Variants in SLC26A8 observed in about 807,000 individuals in gnomAD.
SLC26A8 encodes testis anion transporter 1.
A neutral mutation model predicts 105.0 loss-of-function variants in SLC26A8; 70 were observed. That is an observed-to-expected ratio of 0.67 (90% confidence interval 0.55 to 0.81). The LOEUF (loss-of-function observed/expected upper bound fraction) is 0.81, where lower values mean the gene tolerates loss of function less well. SLC26A8 is among the 40% of genes least tolerant of loss of function. The probability of loss-of-function intolerance (pLI) is 0.00; values close to 1 mark genes in which losing one functional copy is unlikely to be tolerated. For missense variants in SLC26A8, 998 were observed against 1,181.8 expected (o/e 0.84, Z 2.28); for synonymous variants, 415 against 438.3 (o/e 0.95, Z 0.66).
rs139550590 is a variant in SLC26A8 at position 35,968,570 on chromosome 6, T to TAAATATACATATGTGTGTATGTGTGTG, written c.1365+280_1365+306dup. 3.3e-3 allele frequency among the ~76,000 whole-genome samples: 402 copies of TAAATATACATATGTGTGTATGTGTGTG among 121,566 alleles called. 16 individuals carry two copies. Among genetic ancestry groups the TAAATATACATATGTGTGTATGTGTGTG allele is most frequent in the African/African-American group, 0.013 (374 of 29,642 alleles). The allele number at this position is 121,566 out of a possible 152,430, so 79.8% of individuals were successfully genotyped here. ...CTACACACCATATAAATCTTATATA[T>TAAATATACATATGTGTGTATGTGTGTG]AAATATACATATGTGTGTATGTGTG... On this transcript the variant is annotated intron_variant, in intron 11 of 19. Coordinates refer to ENST00000490799, the MANE Select transcript of SLC26A8 (RefSeq NM_052961.4).
intron 2 of SLC26A8, among the ~76,000 whole-genome samples, chr6:36,014,483 G>A (rs1761943476): frequency 6.6e-6 from 1 of 152,130 alleles, no homozygotes; most frequent in Non-Finnish European, 1.5e-5. Context: ...TGATAAGAGG[G>A]GGGATTTGCA....
At chr6:35,970,889 G>A (rs867759502) in intron 10 of SLC26A8, among the ~76,000 whole-genome samples, 13 of 152,036 alleles carry the variant, frequency 8.6e-5, no homozygotes, top group Middle Eastern at 3.2e-3. Flanking sequence ...TTAGCTGGGC[G>A]TAGTGGCAGG....
chr6:35,967,111 G>A (rs1256468113), intron 11 of SLC26A8, among the ~76,000 whole-genome samples: 1 of 152,144 alleles, frequency 6.6e-6, no homozygotes, highest in Non-Finnish European at 1.5e-5. Context: ...TCAGAGGACC[G>A]CTTGCGTGTC....
intron 1 of SLC26A8, 133 bp from the exon 2 acceptor site, chr6:36,019,842 CT>C (rs1324250819): frequency 1.2e-6 from 1 of 845,056 alleles, no homozygotes; most frequent in African/African-American, 1.7e-5. Context: ...GTAAAAAACT[CT>C]TTCTCAAAGT....
At chr6:35,990,905 A>G (rs1761125407) in intron 7 of SLC26A8, among the ~76,000 whole-genome samples, 1 of 152,176 alleles carries the variant, frequency 6.6e-6, no homozygotes, top group Non-Finnish European at 1.5e-5. Flanking sequence ...AAGGGGAAAA[A>G]AAAACCTTAT....
chr6:35,997,703 G>A (rs367762106), intron 5 of SLC26A8, 35 bp downstream of exon 5: 17 of 1,604,094 alleles, frequency 1.1e-5, no homozygotes, highest in Non-Finnish European at 1.4e-5. Context: ...CCTTTATTCA[G>A]TTCCTTTTCA....
rs34715373 is a variant in SLC26A8 at position 35,986,024 on chromosome 6, CTTTTTT to C, written c.943-3827_943-3822del. 6.3e-4 allele frequency among the ~76,000 whole-genome samples: 45 copies of C among 71,374 alleles called. No individual in the cohort carries two copies. In the South Asian group the frequency reaches 0.019, roughly 29 times the overall value. 46.8% of individuals were successfully genotyped at this position (71,374 alleles called of 152,430 possible). A position where few individuals can be genotyped will look rare whatever the true frequency, so the allele number is the denominator to read the frequency against. ...TAGATGCATTACTTCACATATACAT[CTTTTTT>C]TTTTTTTTTTTTTTTTTTTTTGAGA... On this transcript the variant is annotated intron_variant, in intron 7 of 19. Transcript: ENST00000490799.
At position 36,024,540 on chromosome 6, in the gene SLC26A8, G is replaced by T. The variant is rs530686552; in HGVS notation, c.-39C>A. ...GCGGGGGCGGGAGTGCGGGCGCTGGGATCCCACACGGCTCTCGCCTGGCTG... is the reference window on the plus strand; with the variant it reads ...GCGGGGGCGGGAGTGCGGGCGCTGGTATCCCACACGGCTCTCGCCTGGCTG... On this transcript the variant is annotated 5_prime_UTR_variant, in exon 1 of 20. Coordinates refer to ENST00000490799, the MANE Select transcript of SLC26A8 (RefSeq NM_052961.4). 13 of 420,306 alleles carry T rather than the reference G, an allele frequency of 3.1e-5. No homozygotes were observed. Among genetic ancestry groups the T allele is most frequent in the South Asian group, 2.2e-4 (13 of 59,336 alleles). 26.0% of individuals were successfully genotyped at this position (420,306 alleles called of 1,614,324 possible).
At chr6:35,944,366 A>G in intron 19 of SLC26A8, 26 bp from the exon 20 acceptor site, 1 of 1,517,144 alleles carries the variant, frequency 6.6e-7, no homozygotes, top group Non-Finnish European at 9.1e-7. Context: ...GTGGGTTAAA[A>G]TTTCTAATTA....
intron 3 of SLC26A8, among the ~76,000 whole-genome samples, chr6:36,005,713 T>C (rs1345748028): frequency 1.3e-5 from 2 of 152,190 alleles, no homozygotes; most frequent in Non-Finnish European, 2.9e-5. Flanking sequence ...TGTAAAGTGG[T>C]GGGGTAGTTA....
intron 10 of SLC26A8, among the ~76,000 whole-genome samples, chr6:35,972,471 G>T (rs1003382817): frequency 6.6e-6 from 1 of 152,038 alleles, no homozygotes; most frequent in Non-Finnish European, 1.5e-5. Flanking sequence ...TGAAGAAGAT[G>T]AATGAGTCTC....
chr6:35,979,053 T>C (rs1203873637), intron 8 of SLC26A8, among the ~76,000 whole-genome samples: 1 of 147,376 alleles, frequency 6.8e-6, no homozygotes. Flanking sequence ...AGTCTCACCA[T>C]GTTGCCCAGG....
Position 35,944,097 on chromosome 6 carries a change from T to C in SLC26A8, c.2716A>G (p.Thr906Ala). ...TQTEMEPQPE[T>A]EPEMEPNPKS... ...GGGTTGGGCTCCATCTCAGGCTCAG[T>C]CTCAGGCTGGGGCTCCATCTCGGTC... The change falls in exon 20 of 20, where the codon ACT (threonine) becomes GCT (alanine). Residue 906 changes from threonine (T) to alanine (A), a missense_variant. Thr to Ala is a moderately conservative substitution (Grantham distance 58). Transcript: ENST00000490799. 6.2e-7 allele frequency: 1 copy of C among 1,613,876 alleles called. No individual in the cohort carries two copies. Among genetic ancestry groups the C allele is most frequent in the Non-Finnish European group, 8.5e-7 (1 of 1,179,950 alleles).
rs751525175 is a variant in SLC26A8 at position 35,944,144 on chromosome 6, G to T, written c.2669C>A (p.Ala890Asp). 1.5e-5 allele frequency: 24 copies of T among 1,614,100 alleles called. No individual in the cohort carries two copies. Among genetic ancestry groups the T allele is most frequent in the Non-Finnish European group, 1.5e-5 (18 of 1,180,024 alleles). Reference sequence around the variant, plus strand: ...GGTCTGGGTCTTGGTCTCGGTCTCAGCCTTGGGCTCCATTTCAGGCTCCAG... The same window carrying T: ...GGTCTGGGTCTTGGTCTCGGTCTCATCCTTGGGCTCCATTTCAGGCTCCAG... Reference protein sequence around the residue: ...RELEPEMEPKAETETKTQTEM... With the variant: ...RELEPEMEPKDETETKTQTEM... Residue 890 changes from alanine to aspartate, a missense_variant, in exon 20 of 20, where the codon GCT becomes GAT. Transcript: ENST00000490799.
chr6:35,977,420 C>A, intron 8 of SLC26A8, 69 bp from the exon 9 acceptor site: 21 of 1,380,638 alleles, frequency 1.5e-5, no homozygotes, highest in Non-Finnish European at 2.0e-5. Flanking sequence ...CCACTCTATT[C>A]TAACACTGGG....
At chr6:35,958,061 G>A (rs1489251452) in intron 16 of SLC26A8, among the ~76,000 whole-genome samples, 1 of 152,202 alleles carries the variant, frequency 6.6e-6, no homozygotes, top group African/African-American at 2.4e-5. Context: ...GTCGAAGCCT[G>A]TCCATGGACT....
At position 35,950,065 on chromosome 6, in the gene SLC26A8, G is replaced by A. The variant is rs140339608; in HGVS notation, c.2472+1098C>T. Among the ~76,000 whole-genome samples, 252 of 151,984 alleles carry A rather than the reference G, an allele frequency of 1.7e-3. 6 individuals carry two copies. In the South Asian group the frequency reaches 0.025, roughly 15 times the overall value. ...GCCTGCCTTGGCCTCCCAAAGTGCTGGGATTACAGGCGTGAGCCATCTCGC... is the reference window on the plus strand; with the variant it reads ...GCCTGCCTTGGCCTCCCAAAGTGCTAGGATTACAGGCGTGAGCCATCTCGC... On this transcript the variant is annotated intron_variant, in intron 19 of 19. Coordinates refer to ENST00000490799, the MANE Select transcript of SLC26A8 (RefSeq NM_052961.4).
chr6:35,947,778 A>G (rs1291612436), intron 19 of SLC26A8, among the ~76,000 whole-genome samples: 1 of 152,070 alleles, frequency 6.6e-6, no homozygotes, highest in Non-Finnish European at 1.5e-5. Context: ...GAAAGATACA[A>G]ATATTAGCTG....
intron 8 of SLC26A8, 108 bp downstream of exon 8, chr6:35,982,013 G>T: frequency 8.9e-7 from 1 of 1,127,568 alleles, no homozygotes; most frequent in South Asian, 1.4e-5. Flanking sequence ...AATGAATTTT[G>T]CTTTGGCCAG....
Sources: allele counts gnomAD v4.1 joint callset (sites outside exome capture counted in the v4.1 genomes callset), GRCh38; gene constraint gnomAD v4.1.1; transcripts MANE v1.5; gene names NCBI Gene and HGNC (gene_info 2026-07-23, HGNC 2026-07-21).